Variants in SV2B observed in about 807,000 individuals in gnomAD.
SV2B encodes the protein solute carrier family 22 member B2.
A neutral mutation model predicts 73.9 loss-of-function variants in SV2B; 41 were observed. The observed-to-expected ratio is 0.56, with a 90% confidence interval of 0.43 to 0.72. The LOEUF (loss-of-function observed/expected upper bound fraction) is 0.72, where lower values mean the gene tolerates loss of function less well. Ranked by LOEUF, SV2B falls within the 30% of genes least tolerant of loss-of-function variation. The pLI is 0.00. For synonymous variants in SV2B, 314 were observed against 314.2 expected (o/e 1.00, Z 0.01); for missense variants, 764 against 857.8 (o/e 0.89, Z 1.37).
rs1394800813 is a variant in SV2B, at chr15:91,280,023, C to A, written c.1374-1705C>A. Among the ~76,000 whole-genome samples the A allele has an allele frequency of 6.6e-6, 1 of 152,194 alleles. No homozygotes were observed. The highest frequency in any genetic ancestry group is 1.9e-4 in the East Asian group (1 of 5,200). On this transcript the variant is annotated intron_variant, in intron 9 of 12. Coordinates refer to ENST00000394232, the MANE Select transcript of SV2B (RefSeq NM_001323032.3). The surrounding 1 kb of genome is among the most constrained non-coding windows in gnomAD (Gnocchi z 5.8). ...CTCAAATTTCTTTAAGTATAATAAT[C>A]TGGTCTCTGCCATTGGTGATTCTGG...
At position 91,298,361 on chromosome 15, in the gene SV2B, C is replaced by T. The variant is rs1187341715; in HGVS notation, c.*5809C>T. The T allele has an allele frequency of 1.3e-5, 2 of 152,174 alleles. No homozygotes were observed. The highest frequency in any genetic ancestry group is 2.9e-5 in the Non-Finnish European group (2 of 68,048). 9.4% of individuals were successfully genotyped at this position (152,174 alleles called of 1,614,324 possible). A position where few individuals can be genotyped will look rare whatever the true frequency, so the allele number is the denominator to read the frequency against. On this transcript the variant is annotated 3_prime_UTR_variant, in exon 13 of 13. Transcript: ENST00000394232. This position sits in a 1 kb window ranked among gnomAD's most constrained non-coding sequence, Gnocchi z 5.4. ...CTCTAAGAACCGTTTGGAAATAAAT[C>T]ACATAGAGCCTTTGATTGTGAGGCA...
chr15:91,167,341 T>C (rs2043952377), intron 1 of SV2B, among the ~76,000 whole-genome samples: 1 of 152,220 alleles, frequency 6.6e-6, no homozygotes, highest in African/African-American at 2.4e-5. Context: ...TTCTCATTAC[T>C]GATGTAACAA....
At chr15:91,254,778 T>C (rs892538095) in intron 4 of SV2B, among the ~76,000 whole-genome samples, 10 of 152,208 alleles carry the variant, frequency 6.6e-5, no homozygotes, top group African/African-American at 2.4e-4. Flanking sequence ...GGAATGAATG[T>C]TGAGAAAAAT....
intron 2 of SV2B, among the ~76,000 whole-genome samples, chr15:91,228,704 T>A (rs2046464244): frequency 6.6e-6 from 1 of 152,214 alleles, no homozygotes; most frequent in African/African-American, 2.4e-5. Flanking sequence ...TTTGTAATTT[T>A]GCTTTTAGTG....
chr15:91,125,781 C>CAAAAAAAAAAAAAAAA lies in SV2B; in HGVS notation c.-392+25422_-392+25437dup, dbSNP rs200016125. Among the ~76,000 whole-genome samples, 355 of 56,990 alleles carry CAAAAAAAAAAAAAAAA rather than the reference C, an allele frequency of 6.2e-3. 48 individuals are homozygous for CAAAAAAAAAAAAAAAA. The highest frequency in any genetic ancestry group is 0.026 in the Middle Eastern group (2 of 76). The allele number at this position is 56,990 out of a possible 152,430, so 37.4% of individuals were successfully genotyped here. ...CAAAGTGAGACCCTGTCTCAAGGGGCAAAAAAAAAAAAAAAAAAATTCAGT... is the reference window on the plus strand; with the variant it reads ...CAAAGTGAGACCCTGTCTCAAGGGGCAAAAAAAAAAAAAAAAAAAAAAAAAAAAAAAAAAATTCAGT... On this transcript the variant is annotated intron_variant, in intron 1 of 12. Coordinates refer to ENST00000394232, the MANE Select transcript of SV2B (RefSeq NM_001323032.3).
chr15:91,138,802 T>C (rs1442494228), intron 1 of SV2B, among the ~76,000 whole-genome samples: 11 of 152,210 alleles, frequency 7.2e-5, no homozygotes, highest in Non-Finnish European at 1.6e-4. Context: ...CAGGGAGTCC[T>C]AGAACCAATC....
intron 1 of SV2B, among the ~76,000 whole-genome samples, chr15:91,112,522 C>G (rs2042065325): frequency 1.3e-5 from 2 of 152,230 alleles, no homozygotes; most frequent in South Asian, 4.2e-4. Context: ...AAAGAAAAAG[C>G]TTTTAGGTTG....
chr15:91,294,222 G>A lies in SV2B; in HGVS notation c.*1670G>A, dbSNP rs1465963468. On this transcript the variant is annotated 3_prime_UTR_variant, in exon 13 of 13. Transcript: ENST00000394232. The surrounding 1 kb of genome is among the most constrained non-coding windows in gnomAD (Gnocchi z 4.1). ...AGTGTTTTCTCAGTATTGGAGAAAT[G>A]CTTAGGTCCTATGATAGCTTCGGGA... 6.6e-6 allele frequency: 1 copy of A among 152,196 alleles called. No individual in the cohort carries two copies. The highest frequency in any genetic ancestry group is 1.5e-5 in the Non-Finnish European group (1 of 68,024). The allele number at this position is 152,196 out of a possible 1,614,324, so 9.4% of individuals were successfully genotyped here.
chr15:91,113,747 G>C (rs956960828), intron 1 of SV2B, among the ~76,000 whole-genome samples: 1 of 152,126 alleles, frequency 6.6e-6, no homozygotes, highest in African/African-American at 2.4e-5. Context: ...TTTAAACCCA[G>C]AGGTTCTTTC....
chr15:91,218,744 C>T (rs1337682853), intron 1 of SV2B, among the ~76,000 whole-genome samples: 1 of 152,136 alleles, frequency 6.6e-6, no homozygotes, highest in African/African-American at 2.4e-5. Flanking sequence ...TCTGCCCTGA[C>T]TCACTGGGGT....
rs773951164 is a variant in SV2B at position 91,301,282 on chromosome 15, T to C, written c.*8730T>C. ...TGCAGCTTCTGAATTATTAAACTGA[T>C]GCTATAAATGTGAACTGACAAAACC... On this transcript the variant is annotated 3_prime_UTR_variant, in exon 13 of 13. Transcript: ENST00000394232. This position sits in a 1 kb window ranked among gnomAD's most constrained non-coding sequence, Gnocchi z 4.3. 2 of 152,238 alleles carry C rather than the reference T, an allele frequency of 1.3e-5. No homozygotes were observed. Among genetic ancestry groups the C allele is most frequent in the Admixed American group, 6.5e-5 (1 of 15,290 alleles). The allele number at this position is 152,238 out of a possible 1,614,324, so 9.4% of individuals were successfully genotyped here. A position where few individuals can be genotyped will look rare whatever the true frequency, so the allele number is the denominator to read the frequency against.
At chr15:91,219,028 T>C (rs935107224) in intron 1 of SV2B, among the ~76,000 whole-genome samples, 1 of 152,064 alleles carries the variant, frequency 6.6e-6, no homozygotes, top group African/African-American at 2.4e-5. Flanking sequence ...AACCTCCGCC[T>C]CCCGGGTTCA....
intron 1 of SV2B, among the ~76,000 whole-genome samples, chr15:91,206,211 T>TGC (rs1377924284): frequency 8.8e-4 from 132 of 149,970 alleles, no homozygotes; most frequent in African/African-American, 3.0e-3. Flanking sequence ...CTTTTTTTTT[T>TGC]TTTTTTTTTT....
At chr15:91,133,883 T>G (rs894290171) in intron 1 of SV2B, among the ~76,000 whole-genome samples, 1 of 152,172 alleles carries the variant, frequency 6.6e-6, no homozygotes, top group Non-Finnish European at 1.5e-5. Context: ...TTTTGCATAC[T>G]TGGAGCTCGG....
Position 91,132,467 on chromosome 15 carries a change from C to T in SV2B, c.-392+32104C>T, listed in dbSNP as rs183885540. ...TGATTGGTTGTGGACAGCAACCATT[C>T]AGAGGCTGGAGTGAAGTTACAAAGT... On this transcript the variant is annotated intron_variant, in intron 1 of 12. Coordinates refer to ENST00000394232, the MANE Select transcript of SV2B (RefSeq NM_001323032.3). This position sits in a 1 kb window ranked among gnomAD's most constrained non-coding sequence, Gnocchi z 4.6. Among the ~76,000 whole-genome samples the T allele has an allele frequency of 2.6e-5, 4 of 152,330 alleles. No homozygotes were observed. In the East Asian group the frequency reaches 7.7e-4, roughly 29 times the overall value.
intron 9 of SV2B, among the ~76,000 whole-genome samples, chr15:91,274,435 G>C (rs1436691105): frequency 6.6e-6 from 1 of 152,172 alleles, no homozygotes; most frequent in Non-Finnish European, 1.5e-5. Context: ...CTATAACCAA[G>C]TGAGCCTGCC....
intron 1 of SV2B, among the ~76,000 whole-genome samples, chr15:91,159,600 C>T (rs1032419833): frequency 2.0e-5 from 3 of 152,142 alleles, no homozygotes; most frequent in African/African-American, 7.2e-5. Context: ...CAATAGCAAG[C>T]ATTACATTGA....
In SV2B at chr15:91,105,466, A is replaced by C. The variant is rs1360003606; in HGVS notation, c.-392+5103A>C. Among the ~76,000 whole-genome samples the C allele has an allele frequency of 6.6e-6, 1 of 152,190 alleles. No homozygotes were observed. Among genetic ancestry groups the C allele is most frequent in the African/African-American group, 2.4e-5 (1 of 41,440 alleles). ...AGGAACAGCAAGGTGGCTTATGTAG[A>C]AGGAACTGAACGAGACAGGGTGAGC... is the stretch of plus-strand genomic sequence containing the variant. On this transcript the variant is annotated intron_variant, in intron 1 of 12. Transcript: ENST00000394232. This position sits in a 1 kb window ranked among gnomAD's most constrained non-coding sequence, Gnocchi z 5.5.
At chr15:91,200,786 C>G (rs184372205) in intron 1 of SV2B, among the ~76,000 whole-genome samples, 9 of 152,164 alleles carry the variant, frequency 5.9e-5, no homozygotes, top group African/African-American at 2.2e-4. Context: ...TGGTGCATGC[C>G]TGTAGTTCCA....
Sources: allele counts gnomAD v4.1 joint callset (sites outside exome capture counted in the v4.1 genomes callset), GRCh38; gene constraint gnomAD v4.1.1; non-coding constraint Gnocchi (gnomAD v3.1); transcripts MANE v1.5; gene names NCBI Gene and HGNC (gene_info 2026-07-23, HGNC 2026-07-21).